Variants in SYT1 observed in about 807,000 individuals in gnomAD.
SYT1 encodes the protein synaptotagmin-1.
SYT1 carries 8 observed loss-of-function variants against 44.8 expected under a neutral mutation model. The observed-to-expected ratio is 0.18, with a 90% CI of 0.10 to 0.32. SYT1 has a LOEUF of 0.32. SYT1 is among the 10% of genes least tolerant of loss of function. The pLI is 1.00. For synonymous variants in SYT1, 154 were observed against 188.8 expected (o/e 0.82, Z 1.51); for missense variants, 286 against 509.3 (o/e 0.56, Z 4.22).
intron 8 of SYT1, among the ~76,000 whole-genome samples, chr12:79,312,509 C>A (rs1880858827): frequency 6.6e-6 from 1 of 151,940 alleles, no homozygotes; most frequent in Non-Finnish European, 1.5e-5. Flanking sequence ...AGAATTTTCC[C>A]TTTTGATAAA....
chr12:79,096,421 CA>C (rs1223769270), intron 3 of SYT1, among the ~76,000 whole-genome samples: 1 of 151,936 alleles, frequency 6.6e-6, no homozygotes, highest in Non-Finnish European at 1.5e-5. Flanking sequence ...TCAGGTGGAA[CA>C]ATATACCAGC....
chr12:79,095,664 T>C (rs1036092335), intron 3 of SYT1, among the ~76,000 whole-genome samples: 2 of 151,912 alleles, frequency 1.3e-5, no homozygotes, highest in Non-Finnish European at 2.9e-5. Flanking sequence ...CTGGGAATAC[T>C]GACCTTGGTA....
intron 1 of SYT1, among the ~76,000 whole-genome samples, chr12:78,887,331 C>T (rs1283357763): frequency 6.6e-6 from 1 of 151,796 alleles, no homozygotes; most frequent in African/African-American, 2.4e-5. Context: ...TCAAGTAACC[C>T]TTATTTTACT....
At chr12:78,945,011 C>T (rs1035218356) in intron 1 of SYT1, among the ~76,000 whole-genome samples, 1 of 152,068 alleles carries the variant, frequency 6.6e-6, no homozygotes, top group Non-Finnish European at 1.5e-5. Context: ...GAGCAATTTC[C>T]ATTATTACAT....
intron 3 of SYT1, among the ~76,000 whole-genome samples, chr12:79,124,493 A>C (rs1868341430): frequency 6.6e-6 from 1 of 152,182 alleles, no homozygotes; most frequent in Non-Finnish European, 1.5e-5. Context: ...TAATCTGGAA[A>C]AAAGCGTGCC....
At chr12:79,058,573 TG>T (rs1875137563) in intron 3 of SYT1, among the ~76,000 whole-genome samples, 1 of 152,186 alleles carries the variant, frequency 6.6e-6, no homozygotes, top group East Asian at 1.9e-4. Context: ...ACAGCTGGTA[TG>T]GGGAAATGTC....
intron 3 of SYT1, among the ~76,000 whole-genome samples, chr12:79,102,652 G>A (rs1878506721): frequency 6.6e-6 from 1 of 152,184 alleles, no homozygotes; most frequent in Admixed American, 6.5e-5. Flanking sequence ...TTAGCACAGT[G>A]CCTGGTACAA....
chr12:79,313,665 G>A (rs1471534738), intron 8 of SYT1, among the ~76,000 whole-genome samples: 1 of 150,140 alleles, frequency 6.7e-6, no homozygotes, highest in African/African-American at 2.4e-5. Context: ...AAAAATTAAT[G>A]GTGAGACAGA....
At chr12:79,229,579 G>A (rs934546709) in intron 4 of SYT1, among the ~76,000 whole-genome samples, 1 of 140,274 alleles carries the variant, frequency 7.1e-6, no homozygotes, top group African/African-American at 2.7e-5. Context: ...AAAGCAGTAG[G>A]GTTTTTTTTA....
chr12:78,965,319 G>A (rs1391683912), intron 1 of SYT1, among the ~76,000 whole-genome samples: 1 of 152,104 alleles, frequency 6.6e-6, no homozygotes, highest in African/African-American at 2.4e-5. Context: ...TATATGTACA[G>A]ATTAGGCAGC....
At chr12:79,192,448 T>C (rs1040025651) in intron 3 of SYT1, among the ~76,000 whole-genome samples, 4 of 152,150 alleles carry the variant, frequency 2.6e-5, no homozygotes, top group African/African-American at 9.7e-5. Flanking sequence ...TCTGACCCCA[T>C]GTACAGGACA....
Position 79,299,535 on chromosome 12 carries a change from G to C in SYT1, c.794G>C (p.Ser265Thr). 6.2e-7 allele frequency: 1 copy of C among 1,612,742 alleles called. No individual in the cohort carries two copies. Among genetic ancestry groups the C allele is most frequent in the East Asian group, 2.2e-5 (1 of 44,834 alleles). Residue 265 changes from serine to threonine, a missense_variant, in exon 8 of 11, where the codon AGT becomes ACT. Transcript: ENST00000261205. ...HVTEEWRDLQ[S>T]AEKEEQEKLG... is the part of the protein sequence containing the mutation. ...ACTGAGGAATGGCGTGACCTGCAAA[G>C]TGCTGAGAAGGAAGAGGTAAGGGAA...
At position 79,296,095 on chromosome 12, in the gene SYT1, C is replaced by T. The variant is rs1382079946; in HGVS notation, c.501C>T (p.Ala167=). Reference sequence around the variant, plus strand: ...TGCTGGTAGGGATCATTCAGGCTGCCGAACTGCCCGCCTTGGACATGGGGG... The same window carrying T: ...TGCTGGTAGGGATCATTCAGGCTGCTGAACTGCCCGCCTTGGACATGGGGG... ...NQLLVGIIQA[A]ELPALDMGGT... is the part of the protein sequence containing the mutation. Residue 167 remains alanine, a synonymous_variant, in exon 7 of 11, where the codon GCC becomes GCT. Coordinates refer to ENST00000261205, the MANE Select transcript of SYT1 (RefSeq NM_005639.3). The T allele has an allele frequency of 5.0e-6, 8 of 1,612,492 alleles. No individual in the cohort carries two copies. Among genetic ancestry groups the T allele is most frequent in the African/African-American group, 1.3e-5 (1 of 74,884 alleles).
intron 9 of SYT1, among the ~76,000 whole-genome samples, chr12:79,362,346 T>C (rs1224713223): frequency 6.6e-6 from 1 of 152,060 alleles, no homozygotes; most frequent in East Asian, 1.9e-4. Context: ...TATAGAGTAA[T>C]AGGATCAATT....
intron 9 of SYT1, among the ~76,000 whole-genome samples, chr12:79,368,312 A>G (rs1424140334): frequency 2.6e-5 from 4 of 151,994 alleles, no homozygotes; most frequent in Non-Finnish European, 5.9e-5. Flanking sequence ...GGACATTTGG[A>G]TTGGTTCCAA....
At chr12:79,362,442 T>C (rs1184030412) in intron 9 of SYT1, among the ~76,000 whole-genome samples, 1 of 152,144 alleles carries the variant, frequency 6.6e-6, no homozygotes, top group Non-Finnish European at 1.5e-5. Context: ...CAAAAAAGGC[T>C]TGATGTTGTC....
intron 3 of SYT1, among the ~76,000 whole-genome samples, chr12:79,173,222 T>C (rs1364614953): frequency 1.3e-5 from 2 of 151,970 alleles, no homozygotes; most frequent in Non-Finnish European, 2.9e-5. Flanking sequence ...GTTCCTTGAA[T>C]TGAGCTTACA....
At chr12:79,346,823 G>A (rs551592078) in intron 8 of SYT1, among the ~76,000 whole-genome samples, 18 of 152,248 alleles carry the variant, frequency 1.2e-4, no homozygotes, top group African/African-American at 3.6e-4. Context: ...CAATTATTTC[G>A]AAGCTTTTAT....
intron 9 of SYT1, among the ~76,000 whole-genome samples, chr12:79,382,142 T>C (rs1884249250): frequency 6.6e-6 from 1 of 152,192 alleles, no homozygotes; most frequent in Non-Finnish European, 1.5e-5. Context: ...AATGACACAG[T>C]GATTCTCAGT....
Sources: allele counts gnomAD v4.1 joint callset (sites outside exome capture counted in the v4.1 genomes callset), GRCh38; gene constraint gnomAD v4.1.1; transcripts MANE v1.5; gene names NCBI Gene and HGNC (gene_info 2026-07-23, HGNC 2026-07-21).